Variants in PLS1 observed in about 807,000 individuals in gnomAD.
PLS1 encodes plastin-1.
In PLS1, 32 loss-of-function variants were observed where a neutral mutation model predicts 73.7. The ratio of observed to expected loss-of-function variants is 0.43; its 90% CI spans 0.33 to 0.58. PLS1 has a LOEUF of 0.58. PLS1 is among the 20% of genes least tolerant of loss of function. PLS1 has a pLI of 0.04. For synonymous variants in PLS1, 217 were observed against 261.3 expected (o/e 0.83, Z 1.63); for missense variants, 633 against 740.5 (o/e 0.85, Z 1.68).
chr3:142,703,527 C>T (rs1323066755), intron 12 of PLS1, among the ~76,000 whole-genome samples: 1 of 152,078 alleles, frequency 6.6e-6, no homozygotes, highest in Non-Finnish European at 1.5e-5. Flanking sequence ...AACTCTTGAC[C>T]TCAGGTGATC....
intron 15 of PLS1, 118 bp downstream of exon 15, chr3:142,711,743 T>C: frequency 7.7e-7 from 1 of 1,302,770 alleles, no homozygotes; most frequent in Non-Finnish European, 1.1e-6. Context: ...ATGTGAGTCT[T>C]AGATTTAAGA....
At chr3:142,603,543 C>T (rs917504297) in intron 1 of PLS1, among the ~76,000 whole-genome samples, 2 of 152,054 alleles carry the variant, frequency 1.3e-5, no homozygotes, top group Non-Finnish European at 2.9e-5. Context: ...CTTTGGGAGG[C>T]TGAGGCAGGT....
At chr3:142,616,573 T>C (rs2036219771) in intron 1 of PLS1, among the ~76,000 whole-genome samples, 1 of 152,154 alleles carries the variant, frequency 6.6e-6, no homozygotes, top group African/African-American at 2.4e-5. Flanking sequence ...CATTTTCATG[T>C]TGAATTGTGT....
intron 9 of PLS1, among the ~76,000 whole-genome samples, chr3:142,687,130 G>A (rs1048119296): frequency 2.6e-5 from 4 of 151,712 alleles, no homozygotes; most frequent in Admixed American, 2.0e-4. Context: ...AAATCAGGAT[G>A]TCCAGTCTTT....
intron 1 of PLS1, among the ~76,000 whole-genome samples, chr3:142,626,936 CTCT>C (rs766334305): frequency 6.6e-6 from 1 of 152,194 alleles, no homozygotes; most frequent in African/African-American, 2.4e-5. Context: ...ACTGTCCAGG[CTCT>C]TCTTTGTAGA....
At chr3:142,608,231 C>G (rs901488028) in intron 1 of PLS1, among the ~76,000 whole-genome samples, 2 of 152,150 alleles carry the variant, frequency 1.3e-5, no homozygotes, top group African/African-American at 2.4e-5. Context: ...GTTTTCCTAA[C>G]AAGAGCTTGA....
At chr3:142,667,928 C>G (rs2037513337) in intron 2 of PLS1, among the ~76,000 whole-genome samples, 1 of 152,188 alleles carries the variant, frequency 6.6e-6, no homozygotes, top group East Asian at 1.9e-4. Context: ...GCAATTATAC[C>G]AATATTTTGG....
chr3:142,611,985 T>C (rs2036130012), intron 1 of PLS1, among the ~76,000 whole-genome samples: 1 of 152,196 alleles, frequency 6.6e-6, no homozygotes, highest in Non-Finnish European at 1.5e-5. Context: ...TCTCAAGAAT[T>C]CTAACTCTAA....
chr3:142,624,527 T>C (rs2036379545), intron 1 of PLS1, among the ~76,000 whole-genome samples: 1 of 152,216 alleles, frequency 6.6e-6, no homozygotes, highest in South Asian at 2.1e-4. Context: ...TTGAGGAAAC[T>C]TGGATACTGA....
intron 1 of PLS1, among the ~76,000 whole-genome samples, chr3:142,621,836 A>G (rs2036320851): frequency 6.6e-6 from 1 of 152,184 alleles, no homozygotes; most frequent in Non-Finnish European, 1.5e-5. Context: ...GAGCAAATAT[A>G]TGTTTTAGTC....
At chr3:142,698,290 A>G in intron 12 of PLS1, 1 of 410,222 alleles carries the variant, frequency 2.4e-6, no homozygotes, top group East Asian at 4.5e-5. Flanking sequence ...TTATCAAGTC[A>G]TAGTACTTAA....
chr3:142,697,931 C>T (rs1183833577), intron 11 of PLS1, 22 bp from the exon 12 acceptor site: 1 of 1,419,300 alleles, frequency 7.0e-7, no homozygotes, highest in Non-Finnish European at 1.0e-6. Flanking sequence ...CCTCCTTTAT[C>T]TGCTTTTCCT....
chr3:142,701,629 G>A (rs6798447), intron 12 of PLS1, among the ~76,000 whole-genome samples: 4,348 of 152,198 alleles, frequency 0.029, 222 homozygotes, highest in African/African-American at 0.1. Flanking sequence ...AAGAATATAT[G>A]CTTTCCCTTA....
In PLS1 at chr3:142,647,058, G is replaced by A. The variant is rs535126662; in HGVS notation, c.-36-17144G>A. On this transcript the variant is annotated intron_variant, in intron 1 of 15. Coordinates refer to ENST00000457734, the MANE Select transcript of PLS1 (RefSeq NM_001145319.2). ...AGGGAGAGTCCTTAAGTTGGCCAAT[G>A]TTGGCCTGCTCTAAATACAAGGTGT... 3.3e-5 allele frequency among the ~76,000 whole-genome samples: 5 copies of A among 152,304 alleles called. No individual in the cohort carries two copies. In the South Asian group the frequency reaches 1.0e-3, roughly 32 times the overall value.
At chr3:142,668,584 TG>T (rs2037527235) in intron 2 of PLS1, among the ~76,000 whole-genome samples, 1 of 151,828 alleles carries the variant, frequency 6.6e-6, no homozygotes, top group Non-Finnish European at 1.5e-5. Flanking sequence ...TTTAGCTATC[TG>T]TGACTTCCCC....
intron 1 of PLS1, among the ~76,000 whole-genome samples, chr3:142,633,088 C>T (rs7646880): frequency 0.64 from 98,089 of 152,188 alleles, 33,385 homozygotes; most frequent in African/African-American, 0.88. Context: ...ACAACATGGA[C>T]GAACCTCAAG....
At chr3:142,602,633 G>A (rs2035947617) in intron 1 of PLS1, among the ~76,000 whole-genome samples, 1 of 151,826 alleles carries the variant, frequency 6.6e-6, no homozygotes, top group Non-Finnish European at 1.5e-5. Context: ...GCTTTGACCT[G>A]TGAGAAAATG....
rs113701387 is a variant in PLS1 at position 142,712,766 on chromosome 3, A to G, written c.*759A>G. 6.6e-3 allele frequency: 1,015 copies of G among 152,666 alleles called. 9 individuals carry two copies. The highest frequency in any genetic ancestry group is 0.015 in the African/African-American group (603 of 41,572). 9.5% of individuals were successfully genotyped at this position (152,666 alleles called of 1,614,324 possible). A position where few individuals can be genotyped will look rare whatever the true frequency, so the allele number is the denominator to read the frequency against. ...TTGCACCTGAATCACCCAGCTTTTC[A>G]TAAGTGGTATGTTTAATTGGTCATT... On this transcript the variant is annotated 3_prime_UTR_variant, in exon 16 of 16. Coordinates refer to ENST00000457734, the MANE Select transcript of PLS1 (RefSeq NM_001145319.2).
At chr3:142,630,477 G>T (rs547503376) in intron 1 of PLS1, among the ~76,000 whole-genome samples, 5 of 151,430 alleles carry the variant, frequency 3.3e-5, no homozygotes, top group Admixed American at 3.3e-4. Context: ...TCCTGGCTGG[G>T]TGCAGTGGCT....
Sources: allele counts gnomAD v4.1 joint callset (sites outside exome capture counted in the v4.1 genomes callset), GRCh38; gene constraint gnomAD v4.1.1; transcripts MANE v1.5; gene names NCBI Gene and HGNC (gene_info 2026-07-23, HGNC 2026-07-21).